The following CYP11A1 variants were observed in gnomAD, a reference collection of about 807,000 sequenced individuals.
CYP11A1 encodes the protein cytochrome P450 family 11 subfamily A member 1.
In CYP11A1, 25 loss-of-function variants were observed where a neutral mutation model predicts 51.9. That is an observed-to-expected ratio of 0.48 (90% CI 0.35 to 0.67). The LOEUF (loss-of-function observed/expected upper bound fraction) is 0.67, where lower values mean the gene tolerates loss of function less well. CYP11A1 is among the 30% of genes least tolerant of loss of function. The pLI is 0.00. For synonymous variants in CYP11A1, 245 were observed against 262.1 expected, an observed-to-expected ratio of 0.93 and a Z score of 0.63; for missense variants, 578 against 680.9, an observed-to-expected ratio of 0.85 and a Z score of 1.68.
intron 1 of CYP11A1, among the ~76,000 whole-genome samples, chr15:74,357,048 T>C (rs2060683780): frequency 1.3e-5 from 2 of 152,198 alleles, no homozygotes; most frequent in African/African-American, 4.8e-5. Context: ...AGACAGGTCT[T>C]ACAGGTTAGT....
At chr15:74,366,360 T>A in intron 1 of CYP11A1, 5 of 676,234 alleles carry the variant, frequency 7.4e-6, no homozygotes, top group Non-Finnish European at 9.1e-6. Context: ...CTCGGCTCAC[T>A]GCAACCTCCA....
At chr15:74,366,233 G>C in intron 1 of CYP11A1, 2 of 984,714 alleles carry the variant, frequency 2.0e-6, no homozygotes, top group Non-Finnish European at 1.2e-6. Context: ...ACCACGCTGC[G>C]ACCTTTTCAC....
At chr15:74,339,174 C>T in intron 7 of CYP11A1, 63 bp downstream of exon 7, 1 of 1,416,922 alleles carries the variant, frequency 7.1e-7, no homozygotes, top group Non-Finnish European at 1.0e-6. Context: ...CCTCTGTCTG[C>T]AATTCCAGCC....
At chr15:74,366,128 G>A in intron 1 of CYP11A1, 1 of 985,596 alleles carries the variant, frequency 1.0e-6, no homozygotes, top group Non-Finnish European at 1.2e-6. Context: ...GCAGGCCGGG[G>A]GCCACGCTAG....
intron 1 of CYP11A1, among the ~76,000 whole-genome samples, chr15:74,355,711 A>G (rs1455734683): frequency 6.6e-6 from 1 of 152,202 alleles, no homozygotes; most frequent in Non-Finnish European, 1.5e-5. Context: ...CCATCTGCCC[A>G]GTAATTTCCT....
rs771539144 is a variant in CYP11A1 at position 74,339,334 on chromosome 15, C to T, written c.1158-19G>A. 8.1e-6 allele frequency: 13 copies of T among 1,611,650 alleles called. No individual in the cohort carries two copies. Among genetic ancestry groups the T allele is most frequent in the Non-Finnish European group, 1.1e-5 (13 of 1,177,862 alleles). The stretch of plus-strand genomic sequence containing the variant: ...GTGAAGTCTGCGGGAGGAGGGCACT[C>T]AGAAGCTGATGGCCCCAAAGGCTGG... On this transcript the variant is annotated intron_variant, in intron 6 of 8. Transcript: ENST00000268053.
chr15:74,343,968 T>G lies in CYP11A1; in HGVS notation c.650A>C (p.Glu217Ala), dbSNP rs143879080. 2,120 of 1,613,888 alleles carry G rather than the reference T, an allele frequency of 1.3e-3. 3 individuals are homozygous for G. The highest frequency in any genetic ancestry group is 1.6e-3 in the Non-Finnish European group (1,912 of 1,179,984). ...FESITNVIFGERQGMLEEVVN... is the reference protein window; with the variant it reads ...FESITNVIFGARQGMLEEVVN... ...TACTTCCTCCAGCATCCCCTGGCGC[T>G]CCCCAAAAATGACGTTAGTGATGGC... The change falls in exon 4 of 9, where the codon GAG becomes GCG. Residue 217 changes from glutamate (E) to alanine (A), a missense_variant. Glu to Ala is a moderately radical substitution (Grantham distance 107). Transcript: ENST00000268053.
chr15:74,339,282 A>AT lies in CYP11A1; in HGVS notation c.1190dup (p.Tyr397Ter). ...CTCGAAGAACCAAGTCATTTACAAG[A>AT]TATCTCTGCAGGGTCACGGAGATGG... Reference protein sequence around the residue: ...LHPISVTLQRYLVNDLVLRDY... With the variant: ...LHPISVTLQR The change falls in exon 7 of 9, where the codon TAT becomes TAAT. Residue 397 changes from tyrosine (Y) to a stop codon, truncating the protein, a stop_gained and frameshift_variant. Coordinates refer to ENST00000268053, the MANE Select transcript of CYP11A1 (RefSeq NM_000781.3). LOFTEE classifies it high-confidence loss of function. 1 of 1,614,202 alleles carries AT rather than the reference A, an allele frequency of 6.2e-7. No individual in the cohort carries two copies. The highest frequency in any genetic ancestry group is 8.5e-7 in the Non-Finnish European group (1 of 1,180,022).
chr15:74,360,250 T>C (rs927896654), intron 1 of CYP11A1, among the ~76,000 whole-genome samples: 4 of 152,136 alleles, frequency 2.6e-5, no homozygotes, highest in Admixed American at 1.3e-4. Context: ...TCAAACCTTA[T>C]CAGAAACTTT....
chr15:74,348,964 G>A (rs753446750), intron 1 of CYP11A1, among the ~76,000 whole-genome samples: 2 of 152,166 alleles, frequency 1.3e-5, no homozygotes, highest in Non-Finnish European at 2.9e-5. Context: ...GGGCTCAAGA[G>A]ATCCTCCCAC....
In CYP11A1 at chr15:74,367,372, G is replaced by T. The variant is rs757338369; in HGVS notation, c.214C>A (p.His72Asn). The stretch of plus-strand genomic sequence containing the variant: ...TGGACATGGTGAAGGTGGACTTTGT[G>T]TGTGCCCGTCTCCCTCCAGAAATGG... Reference protein sequence around the residue: ...LYHFWRETGTHKVHLHHVQNF... With the variant: ...LYHFWRETGTNKVHLHHVQNF... The change falls in exon 1 of 9, where the codon CAC (histidine) becomes AAC (asparagine). Residue 72 changes from histidine to asparagine, a missense_variant. Coordinates refer to ENST00000268053, the MANE Select transcript of CYP11A1 (RefSeq NM_000781.3). 2.5e-6 allele frequency: 4 copies of T among 1,614,170 alleles called. No individual in the cohort carries two copies. In the South Asian group the frequency reaches 4.4e-5, roughly 18 times the overall value.
chr15:74,356,365 T>C (rs1038081461), intron 1 of CYP11A1: 6 of 152,376 alleles, frequency 3.9e-5, no homozygotes, highest in Non-Finnish European at 8.8e-5. Flanking sequence ...GCTATCTGAC[T>C]GACTCCTTCC....
At chr15:74,352,575 T>A (rs1214223474) in intron 1 of CYP11A1, among the ~76,000 whole-genome samples, 1 of 152,222 alleles carries the variant, frequency 6.6e-6, no homozygotes, top group Non-Finnish European at 1.5e-5. Flanking sequence ...TATTCTTAAA[T>A]GTCAGTGAAT....
intron 5 of CYP11A1, among the ~76,000 whole-genome samples, chr15:74,342,139 G>A (rs146327758): frequency 9.1e-4 from 138 of 152,318 alleles, no homozygotes; most frequent in South Asian, 2.3e-3. Context: ...CTGGAGTGCA[G>A]TGGTGCGATC....
intron 1 of CYP11A1, among the ~76,000 whole-genome samples, chr15:74,349,413 CATAG>C (rs2060645842): frequency 6.6e-6 from 1 of 152,200 alleles, no homozygotes; most frequent in African/African-American, 2.4e-5. Flanking sequence ...TCTCTCCTCT[CATAG>C]TGCTGCTTTA....
At position 74,367,613 on chromosome 15, in the gene CYP11A1, G is replaced by C; in HGVS notation, c.-28C>G. ...TGTCCCCACAGCTGTGACTGTACCT[G>C]CTCCACTTCAGCGGGGACTGCTAGG... On this transcript the variant is annotated 5_prime_UTR_variant, in exon 1 of 9. Transcript: ENST00000268053. 1 of 1,610,594 alleles carries C rather than the reference G, an allele frequency of 6.2e-7. No homozygotes were observed. Among genetic ancestry groups the C allele is most frequent in the East Asian group, 2.2e-5 (1 of 44,772 alleles).
intron 2 of CYP11A1, 128 bp downstream of exon 2, chr15:74,347,772 G>T (rs777373826): frequency 3.6e-6 from 3 of 823,376 alleles, no homozygotes; most frequent in Admixed American, 2.4e-5. Context: ...AAATGACGGG[G>T]ATTCACCTAG....
chr15:74,338,170 T>C (rs2060588046), intron 8 of CYP11A1, 67 bp from the exon 9 acceptor site: 2 of 1,593,182 alleles, frequency 1.3e-6, no homozygotes, highest in African/African-American at 1.3e-5. Flanking sequence ...CCAGGCCAAT[T>C]CACCCATAGG....
chr15:74,355,911 G>A (rs2060677371), intron 1 of CYP11A1, among the ~76,000 whole-genome samples: 1 of 152,230 alleles, frequency 6.6e-6, no homozygotes, highest in Non-Finnish European at 1.5e-5. Context: ...TCAGAAGGCT[G>A]TCTTATTCTC....
Sources: allele counts gnomAD v4.1 joint callset (sites outside exome capture counted in the v4.1 genomes callset), GRCh38; gene constraint gnomAD v4.1.1; transcripts MANE v1.5; gene names NCBI Gene and HGNC (gene_info 2026-07-23, HGNC 2026-07-21).